Variants in NFATC3 observed in about 807,000 individuals in gnomAD.
NFATC3 encodes the protein nuclear factor of activated T cells 3.
NFATC3 carries 46 observed loss-of-function variants against 98.6 expected under a neutral mutation model. The observed-to-expected ratio is 0.47, with a 90% CI of 0.37 to 0.60. The LOEUF is 0.60. Ranked by LOEUF, NFATC3 falls within the 20% of genes least tolerant of loss-of-function variation. The pLI is 0.00. For synonymous variants in NFATC3, 512 were observed against 472.2 expected (o/e 1.08, Z -1.09); for missense variants, 1,256 against 1,295.5 (o/e 0.97, Z 0.47).
At chr16:68,203,997 A>G (rs1292194250) in intron 9 of NFATC3, among the ~76,000 whole-genome samples, 1 of 151,996 alleles carries the variant, frequency 6.6e-6, no homozygotes, top group Non-Finnish European at 1.5e-5. Flanking sequence ...ACACCAGGCT[A>G]GCCAACATGG....
intron 1 of NFATC3, among the ~76,000 whole-genome samples, chr16:68,093,548 T>C (rs1452200411): frequency 1.3e-5 from 2 of 152,212 alleles, no homozygotes; most frequent in African/African-American, 4.8e-5. Flanking sequence ...CCTACAGTTC[T>C]TTTTGCGCAA....
intron 1 of NFATC3, among the ~76,000 whole-genome samples, chr16:68,113,460 C>T (rs1005472700): frequency 6.6e-6 from 1 of 152,234 alleles, no homozygotes; most frequent in East Asian, 1.9e-4. Context: ...ATGGCTGCCT[C>T]CTCCTCTGGG....
intron 9 of NFATC3, 54 bp from the exon 10 acceptor site, chr16:68,226,296 A>ATATGGCTAATCACTCAGAGGTCAC: frequency 6.5e-7 from 1 of 1,534,814 alleles, no homozygotes; most frequent in Admixed American, 2.4e-5. Flanking sequence ...GTTGGGCATC[A>ATATGGCTAATCACTCAGAGGTCAC]TATGGCTAAT....
intron 9 of NFATC3, chr16:68,201,067 G>A (rs528631102): frequency 6.6e-6 from 1 of 152,276 alleles, no homozygotes; most frequent in African/African-American, 2.4e-5. Flanking sequence ...GAGTAGCTGG[G>A]ATTACAGGTG....
chr16:68,224,418 C>T lies in NFATC3; in HGVS notation c.3107-1932C>T, dbSNP rs147863912. On this transcript the variant is annotated intron_variant, in intron 9 of 9. Coordinates refer to ENST00000346183, the MANE Select transcript of NFATC3 (RefSeq NM_173165.3). Reference sequence around the variant, plus strand: ...CAGCCTCCTGAGTAGCTGGGATTACCGTTGCCTGCCACCGTGCCTGGCTAA... The same window carrying T: ...CAGCCTCCTGAGTAGCTGGGATTACTGTTGCCTGCCACCGTGCCTGGCTAA... 6.8e-3 allele frequency among the ~76,000 whole-genome samples: 1,033 copies of T among 151,138 alleles called. 13 individuals are homozygous for T. The highest frequency in any genetic ancestry group is 0.022 in the African/African-American group (918 of 41,150).
intron 9 of NFATC3, among the ~76,000 whole-genome samples, chr16:68,216,911 TATA>T (rs2041663064): frequency 6.6e-6 from 1 of 152,140 alleles, no homozygotes; most frequent in African/African-American, 2.4e-5. Context: ...GGAAAAAAGG[TATA>T]ATAATTTTTC....
rs748316393 is a variant in NFATC3, at chr16:68,123,007, A to G, written c.1124A>G (p.Asp375Gly). 1 of 1,614,058 alleles carries G rather than the reference A, an allele frequency of 6.2e-7. No individual in the cohort carries two copies. Among genetic ancestry groups the G allele is most frequent in the Non-Finnish European group, 8.5e-7 (1 of 1,180,030 alleles). Residue 375 changes from aspartate to glycine, a missense_variant, in exon 2 of 10, where the codon GAT becomes GGT. This residue lies in a region of NFATC3 where 464 missense variants were observed against 465.7 expected (regional missense o/e 1.00). Coordinates refer to ENST00000346183, the MANE Select transcript of NFATC3 (RefSeq NM_173165.3). ...CCAGCCCGGGAGACTTCAATAGATG[A>G]TGGCCTTGGATCTCAGTATCCTTTA... ...LSPARETSID[D>G]GLGSQYPLKK... is the part of the protein sequence containing the mutation.
At chr16:68,143,175 A>G (rs2037845965) in intron 3 of NFATC3, among the ~76,000 whole-genome samples, 1 of 145,276 alleles carries the variant, frequency 6.9e-6, no homozygotes, top group Admixed American at 6.9e-5. Context: ...GCAGTGAGTT[A>G]TGCACTGTAG....
chr16:68,093,386 C>T (rs901693004), intron 1 of NFATC3, among the ~76,000 whole-genome samples: 2 of 152,092 alleles, frequency 1.3e-5, no homozygotes, highest in African/African-American at 2.4e-5. Context: ...ATTGACCTGC[C>T]CAAGGTCATT....
At chr16:68,131,972 T>G (rs1230986492) in intron 3 of NFATC3, among the ~76,000 whole-genome samples, 1 of 152,304 alleles carries the variant, frequency 6.6e-6, no homozygotes, top group African/African-American at 2.4e-5. Flanking sequence ...CATATACTGG[T>G]ATAGTGTTCC....
intron 8 of NFATC3, among the ~76,000 whole-genome samples, chr16:68,183,798 G>T (rs1169823548): frequency 6.6e-6 from 1 of 152,024 alleles, no homozygotes; most frequent in Non-Finnish European, 1.5e-5. Context: ...GAGGTTGGGA[G>T]TTTGAGACCA....
chr16:68,147,713 G>A (rs2038104760), intron 3 of NFATC3, among the ~76,000 whole-genome samples: 1 of 147,634 alleles, frequency 6.8e-6, no homozygotes, highest in Non-Finnish European at 1.5e-5. Context: ...TGAATGTGAG[G>A]AAGTTGCCTA....
At chr16:68,212,727 T>C (rs1006205745) in intron 9 of NFATC3, 1 of 152,092 alleles carries the variant, frequency 6.6e-6, no homozygotes, top group African/African-American at 2.4e-5. Context: ...AAACCAATTC[T>C]TAACCTTTAT....
chr16:68,224,126 T>TAA (rs1174161190), intron 9 of NFATC3, among the ~76,000 whole-genome samples: 3 of 72,468 alleles, frequency 4.1e-5, no homozygotes, highest in African/African-American at 6.9e-5. Flanking sequence ...TGCACCAGTT[T>TAA]AAAAAAAAAA....
At chr16:68,140,787 T>A (rs1432978882) in intron 3 of NFATC3, among the ~76,000 whole-genome samples, 1 of 152,192 alleles carries the variant, frequency 6.6e-6, no homozygotes, top group Non-Finnish European at 1.5e-5. Flanking sequence ...AGTATGTTAA[T>A]GAATTATTTA....
In NFATC3 at chr16:68,087,952, G is replaced by A. The variant is rs566974497; in HGVS notation, c.103+2168G>A. Among the ~76,000 whole-genome samples, 33 of 152,212 alleles carry A rather than the reference G, an allele frequency of 2.2e-4. 2 individuals are homozygous for A. The South Asian group carries it at 4.3e-3, about 20-fold the overall frequency. ...TGGCTATTGTGAATAGTGCTGCTAT[G>A]AACACATAGCAATTAATTTTGAAAT... is the stretch of plus-strand genomic sequence containing the variant. On this transcript the variant is annotated intron_variant, in intron 1 of 9. Transcript: ENST00000346183.
intron 1 of NFATC3, among the ~76,000 whole-genome samples, chr16:68,118,557 A>G (rs1438984345): frequency 6.6e-6 from 1 of 152,046 alleles, no homozygotes; most frequent in Non-Finnish European, 1.5e-5. Flanking sequence ...TTTTCTCCCT[A>G]ATCCTAAACT....
intron 1 of NFATC3, 118 bp downstream of exon 1, chr16:68,085,902 G>A (rs2034342244): frequency 1.4e-6 from 1 of 718,268 alleles, no homozygotes; most frequent in East Asian, 3.5e-5. Flanking sequence ...GTGTGTGTGC[G>A]CGCGCGTGTG....
At chr16:68,139,191 G>C (rs1195582550) in intron 3 of NFATC3, among the ~76,000 whole-genome samples, 1 of 152,152 alleles carries the variant, frequency 6.6e-6, no homozygotes, top group Admixed American at 6.5e-5. Flanking sequence ...TGCGATAGAG[G>C]TTAATTATGA....
Sources: allele counts gnomAD v4.1 joint callset (sites outside exome capture counted in the v4.1 genomes callset), GRCh38; gene constraint gnomAD v4.1.1; regional missense constraint gnomAD v4.1.1; transcripts MANE v1.5; gene names NCBI Gene and HGNC (gene_info 2026-07-23, HGNC 2026-07-21).